The following BFSP1 variants were observed in gnomAD, a reference collection of about 807,000 sequenced individuals.
The protein encoded by BFSP1 is beaded filament structural protein 1, also known as filensin.
In BFSP1, 38 loss-of-function variants were observed where a neutral mutation model predicts 43.9. The ratio of observed to expected loss-of-function variants is 0.87; its 90% CI spans 0.67 to 1.14. BFSP1 has a LOEUF of 1.14. BFSP1 is among the 50% of genes most tolerant of loss of function. BFSP1 has a pLI of 0.00. For synonymous variants in BFSP1, 352 were observed against 354.8 expected, an observed-to-expected ratio of 0.99 and a Z score of 0.09; for missense variants, 850 against 875.1, an observed-to-expected ratio of 0.97 and a Z score of 0.36.
intron 1 of BFSP1, among the ~76,000 whole-genome samples, chr20:17,557,328 T>C (rs2035008749): frequency 6.6e-6 from 1 of 152,242 alleles, no homozygotes; most frequent in African/African-American, 2.4e-5. Flanking sequence ...AAAGGGCCTT[T>C]GAATACAGCG....
At chr20:17,556,649 A>G (rs2034995070) in intron 1 of BFSP1, among the ~76,000 whole-genome samples, 1 of 152,114 alleles carries the variant, frequency 6.6e-6, no homozygotes, top group Admixed American at 6.5e-5. Flanking sequence ...CCAGTAGTAG[A>G]GCTTAAATTT....
At chr20:17,499,443 C>A (rs987747271) in intron 5 of BFSP1, among the ~76,000 whole-genome samples, 4 of 146,536 alleles carry the variant, frequency 2.7e-5, no homozygotes, top group Non-Finnish European at 6.0e-5. Flanking sequence ...GATAGGGTCC[C>A]ACTTCGTTGC....
At chr20:17,508,012 A>C (rs2033982809) in intron 5 of BFSP1, among the ~76,000 whole-genome samples, 1 of 152,228 alleles carries the variant, frequency 6.6e-6, no homozygotes, top group African/African-American at 2.4e-5. Context: ...TTGTGGCTTC[A>C]CATTTTTAGA....
intron 2 of BFSP1, among the ~76,000 whole-genome samples, chr20:17,522,143 C>A (rs576602167): frequency 6.6e-6 from 1 of 152,270 alleles, no homozygotes; most frequent in African/African-American, 2.4e-5. Context: ...TCTCTGGCTT[C>A]GTGTCTGGCC....
chr20:17,519,041 G>A (rs1457140468), intron 2 of BFSP1, among the ~76,000 whole-genome samples: 2 of 152,098 alleles, frequency 1.3e-5, no homozygotes, highest in Non-Finnish European at 2.9e-5. Flanking sequence ...AGAGGTGCAG[G>A]AGTATTGGGT....
intron 5 of BFSP1, among the ~76,000 whole-genome samples, chr20:17,502,977 C>T (rs535222997): frequency 6.6e-6 from 1 of 152,114 alleles, no homozygotes; most frequent in African/African-American, 2.4e-5. Context: ...ATAGAGGGGC[C>T]ATGTGTTGAG....
intron 1 of BFSP1, among the ~76,000 whole-genome samples, chr20:17,548,706 T>A (rs1475951230): frequency 6.6e-6 from 1 of 152,248 alleles, no homozygotes. Flanking sequence ...AACATTTCAG[T>A]CAAAGCCTTG....
At chr20:17,564,344 G>C (rs1468143881) in intron 1 of BFSP1, among the ~76,000 whole-genome samples, 5 of 143,966 alleles carry the variant, frequency 3.5e-5, no homozygotes, top group African/African-American at 1.3e-4. Flanking sequence ...TCCAGCCTGG[G>C]TGAGAGTGAG....
chr20:17,536,672 C>T (rs2034634009), intron 1 of BFSP1, among the ~76,000 whole-genome samples: 1 of 152,208 alleles, frequency 6.6e-6, no homozygotes, highest in Non-Finnish European at 1.5e-5. Context: ...ATTTCATACT[C>T]TAGCATTTTG....
intron 1 of BFSP1, among the ~76,000 whole-genome samples, chr20:17,550,364 G>C (rs547498395): frequency 6.6e-6 from 1 of 152,190 alleles, no homozygotes; most frequent in South Asian, 2.1e-4. Context: ...CTACCTGTTG[G>C]GGGGCTGACA....
At chr20:17,509,469 A>G (rs1483651738) in intron 4 of BFSP1, among the ~76,000 whole-genome samples, 1 of 152,212 alleles carries the variant, frequency 6.6e-6, no homozygotes, top group Non-Finnish European at 1.5e-5. Context: ...CAGCACAGCC[A>G]TCAATGCCTT....
At chr20:17,541,323 A>C in intron 1 of BFSP1, 1 of 904,646 alleles carries the variant, frequency 1.1e-6, no homozygotes, top group African/African-American at 1.8e-5. Context: ...GCTTGGCCAA[A>C]GATGGATCAT....
At chr20:17,545,295 A>G (rs1308878384) in intron 1 of BFSP1, among the ~76,000 whole-genome samples, 2 of 152,196 alleles carry the variant, frequency 1.3e-5, no homozygotes, top group Non-Finnish European at 2.9e-5. Flanking sequence ...TAGGGTATGC[A>G]GGTGGCATAA....
At chr20:17,560,846 C>T (rs977449382), upstream of BFSP1, 2 of 152,192 alleles carry the variant, frequency 1.3e-5, no homozygotes, top group African/African-American at 4.8e-5. Context: ...TTGCCACAAC[C>T]AGCCCATTGC....
rs1319385362 is a variant in BFSP1 at position 17,494,274 on chromosome 20, C to T, written c.1798G>A (p.Val600Met). 6.2e-7 allele frequency: 1 copy of T among 1,614,100 alleles called. No individual in the cohort carries two copies. The highest frequency in any genetic ancestry group is 1.3e-5 in the African/African-American group (1 of 74,938). ...KPAADQDGAE[V>M]LGTRSRSLPE... ...AGGCTTCTGCTCCTAGTCCCAAGCA[C>T]CTCAGCTCCATCCTGATCAGCCGCA... Residue 600 changes from valine to methionine, a missense_variant, in exon 8 of 8, where the codon GTG (valine) becomes ATG (methionine). By Grantham distance (21) the Val-to-Met change is conservative (BLOSUM62 1). Coordinates refer to ENST00000377873, the MANE Select transcript of BFSP1 (RefSeq NM_001195.5).
intron 7 of BFSP1, among the ~76,000 whole-genome samples, chr20:17,495,529 A>G (rs1019315507): frequency 6.6e-6 from 1 of 152,114 alleles, no homozygotes; most frequent in African/African-American, 2.4e-5. Context: ...GGGCCTGGAG[A>G]TGGAACCCGT....
chr20:17,534,199 C>T (rs1457253984), upstream of BFSP1, among the ~76,000 whole-genome samples: 1 of 152,158 alleles, frequency 6.6e-6, no homozygotes, highest in Non-Finnish European at 1.5e-5. Context: ...GAGATAGATT[C>T]CACAGGACTT....
chr20:17,543,793 G>A (rs1013938266), intron 1 of BFSP1, among the ~76,000 whole-genome samples: 3 of 152,130 alleles, frequency 2.0e-5, no homozygotes, highest in African/African-American at 4.8e-5. Flanking sequence ...AACTATGTCC[G>A]CTTAAGTTAA....
intron 2 of BFSP1, among the ~76,000 whole-genome samples, chr20:17,522,188 A>G (rs1378000885): frequency 6.6e-6 from 1 of 152,106 alleles, no homozygotes; most frequent in Non-Finnish European, 1.5e-5. Context: ...TATTCTTTGG[A>G]GGTAGAGAAT....
Sources: allele counts gnomAD v4.1 joint callset (sites outside exome capture counted in the v4.1 genomes callset), GRCh38; gene constraint gnomAD v4.1.1; transcripts MANE v1.5; gene names NCBI Gene and HGNC (gene_info 2026-07-23, HGNC 2026-07-21).